Variants in PSG8 observed in about 807,000 individuals in gnomAD.
The protein encoded by PSG8 is pregnancy-specific beta-1-glycoprotein 8.
PSG8 carries 57 observed loss-of-function variants against 42.5 expected under a neutral mutation model. The observed-to-expected ratio is 1.34, with a 90% CI of 1.08 to 1.67. The LOEUF is 1.67. Ranked by LOEUF, PSG8 falls within the 40% of genes most tolerant of loss-of-function variation. PSG8 has a pLI of 0.00. For missense variants in PSG8, 783 were observed against 518.6 expected, an observed-to-expected ratio of 1.51 and a Z score of -4.95; for synonymous variants, 280 against 196.8, an observed-to-expected ratio of 1.42 and a Z score of -3.54.
At chr19:42,765,253 C>A (rs183412987) in intron 1 of PSG8, among the ~76,000 whole-genome samples, 12 of 151,680 alleles carry the variant, frequency 7.9e-5, no homozygotes, top group Non-Finnish European at 1.8e-4. Flanking sequence ...CCTGGGTTCA[C>A]GTGATTCTTC....
At chr19:42,759,958 G>A (rs558233271) in intron 2 of PSG8, among the ~76,000 whole-genome samples, 5 of 152,220 alleles carry the variant, frequency 3.3e-5, no homozygotes, top group African/African-American at 1.2e-4. Context: ...GACCGAACTG[G>A]GTAGTGTGTC....
intron 3 of PSG8, chr19:42,755,807 A>G (rs910004745): frequency 5.6e-5 from 9 of 161,320 alleles, no homozygotes; most frequent in African/African-American, 7.2e-5. Flanking sequence ...GGAGACCAGA[A>G]TCAAGCCTGG....
At chr19:42,759,660 T>C (rs971073613) in intron 2 of PSG8, among the ~76,000 whole-genome samples, 6 of 152,196 alleles carry the variant, frequency 3.9e-5, no homozygotes, top group Non-Finnish European at 1.5e-5. Flanking sequence ...CAATTTGTAA[T>C]ACTGTAATTT....
chr19:42,758,239 G>T lies in PSG8; in HGVS notation c.472C>A (p.Pro158Thr). 1.9e-6 allele frequency: 3 copies of T among 1,613,980 alleles called. No homozygotes were observed. Among genetic ancestry groups the T allele is most frequent in the Admixed American group, 1.7e-5 (1 of 59,998 alleles). ...KPSISSSKLNPREAMEAVSLT... is the reference protein window; with the variant it reads ...KPSISSSKLNTREAMEAVSLT... The stretch of plus-strand genomic sequence containing the variant: ...CTCACAGCCTCCATGGCCTCCCTGG[G>T]GTTTAATTTGCTGCTGGAGATGGAG... The change falls in exon 3 of 5, where the codon CCC (proline) becomes ACC (threonine). Residue 158 changes from proline to threonine, a missense_variant. Coordinates refer to ENST00000306511, the MANE Select transcript of PSG8 (RefSeq NM_182707.3).
Position 42,754,243 on chromosome 19 carries a change from T to G in PSG8, c.*52A>C, listed in dbSNP as rs1223026853. 6.3e-7 allele frequency: 1 copy of G among 1,598,252 alleles called. No individual in the cohort carries two copies. Among genetic ancestry groups the G allele is most frequent in the Non-Finnish European group, 8.5e-7 (1 of 1,172,544 alleles). Reference sequence around the variant, plus strand: ...TTGCTTGTGCCCATGGGACGCAGGCTGGGAATAAAAATGTTTTCCTGACTC... The same window carrying G: ...TTGCTTGTGCCCATGGGACGCAGGCGGGGAATAAAAATGTTTTCCTGACTC... On this transcript the variant is annotated 3_prime_UTR_variant, in exon 5 of 5. Transcript: ENST00000306511.
rs758282363 is a variant in PSG8 at position 42,758,213 on chromosome 19, G to A, written c.498C>T (p.Ser166=). The change falls in exon 3 of 5, where the codon AGC becomes AGT. Residue 166 remains serine, a synonymous_variant. Coordinates refer to ENST00000306511, the MANE Select transcript of PSG8 (RefSeq NM_182707.3). ...LNPREAMEAV[S]LTCDPETPDA... Reference sequence around the variant, plus strand: ...CCGGAGTCTCAGGATCACAGGTTAAGCTCACAGCCTCCATGGCCTCCCTGG... The same window carrying A: ...CCGGAGTCTCAGGATCACAGGTTAAACTCACAGCCTCCATGGCCTCCCTGG... The A allele has an allele frequency of 8.7e-6, 14 of 1,613,952 alleles. No homozygotes were observed. The South Asian group carries it at 1.2e-4, about 14-fold the overall frequency.
At chr19:42,754,950 C>A (rs778875264) in intron 4 of PSG8, 38 bp downstream of exon 4, 20 of 1,580,058 alleles carry the variant, frequency 1.3e-5, no homozygotes, top group Non-Finnish European at 1.7e-5. Context: ...TTGATTTAAG[C>A]TGGTGTCCTG....
rs191608879 is a variant in PSG8, at chr19:42,758,577, G to A, written c.431-297C>T. 1.2e-3 allele frequency: 611 copies of A among 506,216 alleles called. 6 individuals are homozygous for A. The highest frequency in any genetic ancestry group is 9.8e-3 in the African/African-American group (516 of 52,916). 31.4% of individuals were successfully genotyped at this position (506,216 alleles called of 1,614,324 possible). A position where few individuals can be genotyped will look rare whatever the true frequency, so the allele number is the denominator to read the frequency against. On this transcript the variant is annotated intron_variant, in intron 2 of 4. Coordinates refer to ENST00000306511, the MANE Select transcript of PSG8 (RefSeq NM_182707.3). ...CCCTGTTGCCTCTCTGAGTCCCTCCGTCTCCAACTGCCTGCCTGGCCCACC... is the reference window on the plus strand; with the variant it reads ...CCCTGTTGCCTCTCTGAGTCCCTCCATCTCCAACTGCCTGCCTGGCCCACC...
chr19:42,753,480 A>G (rs1969832684), downstream of PSG8: 15 of 712,552 alleles, frequency 2.1e-5, no homozygotes, highest in South Asian at 2.3e-4. Context: ...CTCTATGGGC[A>G]TCTCTAGTTT....
At chr19:42,763,748 G>C in intron 2 of PSG8, 168 bp downstream of exon 2, 3 of 1,331,550 alleles carry the variant, frequency 2.3e-6, no homozygotes, top group East Asian at 4.6e-5. Context: ...ATTCTGATCT[G>C]TTGAAATTTG....
In PSG8 at chr19:42,758,219, A is replaced by C; in HGVS notation, c.492T>G (p.Ala164=). ...TCTCAGGATCACAGGTTAAGCTCAC[A>C]GCCTCCATGGCCTCCCTGGGGTTTA... ...SKLNPREAME[A]VSLTCDPETP... is the part of the protein sequence containing the mutation. Residue 164 remains alanine (A), a synonymous_variant, in exon 3 of 5, where the codon GCT becomes GCG. Transcript: ENST00000306511. 6.2e-7 allele frequency: 1 copy of C among 1,614,080 alleles called. No individual in the cohort carries two copies. Among genetic ancestry groups the C allele is most frequent in the Non-Finnish European group, 8.5e-7 (1 of 1,179,966 alleles).
chr19:42,764,576 C>T (rs529711674), intron 1 of PSG8, among the ~76,000 whole-genome samples: 1 of 152,052 alleles, frequency 6.6e-6, no homozygotes, highest in Non-Finnish European at 1.5e-5. Flanking sequence ...GTCCGCATGG[C>T]CCCCTCCACA....
chr19:42,757,523 G>A (rs562770561), intron 3 of PSG8, among the ~76,000 whole-genome samples: 3 of 152,214 alleles, frequency 2.0e-5, no homozygotes, highest in South Asian at 4.2e-4. Flanking sequence ...AGTCTGTGAG[G>A]CAGGAGAGCT....
At chr19:42,764,529 C>G (rs746623456) in intron 1 of PSG8, among the ~76,000 whole-genome samples, 1 of 151,970 alleles carries the variant, frequency 6.6e-6, no homozygotes, top group Non-Finnish European at 1.5e-5. Context: ...CACTTCTGAC[C>G]TTGGCATTTT....
At position 42,754,784 on chromosome 19, in the gene PSG8, C is replaced by A. The variant is rs1600405696; in HGVS notation, c.989-197G>T. ...CACAAGCTGTGGGCCCCAAGTCTCC[C>A]ATGACAAGAGCGTCCACTCCCCTTA... On this transcript the variant is annotated intron_variant, in intron 4 of 4. Transcript: ENST00000306511. 5 of 1,425,992 alleles carry A rather than the reference C, an allele frequency of 3.5e-6. No homozygotes were observed. In the South Asian group the frequency reaches 5.8e-5, roughly 17 times the overall value. 88.3% of individuals were successfully genotyped at this position (1,425,992 alleles called of 1,614,324 possible). A position where few individuals can be genotyped will look rare whatever the true frequency, so the allele number is the denominator to read the frequency against.
chr19:42,763,995 T>C lies in PSG8; in HGVS notation c.351A>G (p.Ala117=), dbSNP rs1399850655. 1 of 1,612,896 alleles carries C rather than the reference T, an allele frequency of 6.2e-7. No individual in the cohort carries two copies. The highest frequency in any genetic ancestry group is 1.1e-5 in the South Asian group (1 of 91,038). ...TTATGATGTGTAAGGTGTAGGATCC[T>C]GCGTCTTCCTGGGTGACATTCTGGA... ...LLIQNVTQED[A]GSYTLHIIMG... Residue 117 remains alanine, a synonymous_variant, in exon 2 of 5, where the codon GCA becomes GCG. Coordinates refer to ENST00000306511, the MANE Select transcript of PSG8 (RefSeq NM_182707.3).
In PSG8 at chr19:42,762,190, T is replaced by G. The variant is rs1970094317; in HGVS notation, c.430+1726A>C. On this transcript the variant is annotated intron_variant, in intron 2 of 4. Coordinates refer to ENST00000306511, the MANE Select transcript of PSG8 (RefSeq NM_182707.3). The stretch of plus-strand genomic sequence containing the variant: ...GGAAGAAGCTGTGCAGGACAGGGCT[T>G]GCCAGTCAGAATGAAGTGGGAGGAA... Among the ~76,000 whole-genome samples the G allele has an allele frequency of 1.3e-5, 2 of 151,536 alleles. 1 individual carries two copies. The highest frequency in any genetic ancestry group is 4.2e-4 in the South Asian group (2 of 4,782).
At chr19:42,758,360 T>C in intron 2 of PSG8, 80 bp from the exon 3 acceptor site, 5 of 1,558,240 alleles carry the variant, frequency 3.2e-6, no homozygotes, top group Non-Finnish European at 4.3e-6. Flanking sequence ...AGAGTTGGCA[T>C]TTCCCACCTC....
Position 42,754,542 on chromosome 19 carries a change from C to T in PSG8, c.1034G>A (p.Arg345His), listed in dbSNP as rs148019273. 369 of 1,613,628 alleles carry T rather than the reference C, an allele frequency of 2.3e-4. 2 individuals carry two copies. The highest frequency in any genetic ancestry group is 1.6e-3 in the South Asian group (142 of 91,048). Residue 345 changes from arginine to histidine, a missense_variant, in exon 5 of 5, where the codon CGT becomes CAT. Transcript: ENST00000306511. ...GGACAAGTAGAGGACTTCTCCTGAA[C>T]GGTAATAGGTGAATGAAGGGTAAAT... ...PRIYPSFTYY[R>H]SGEVLYLSCS... is the part of the protein sequence containing the mutation.
Sources: allele counts gnomAD v4.1 joint callset (sites outside exome capture counted in the v4.1 genomes callset), GRCh38; gene constraint gnomAD v4.1.1; transcripts MANE v1.5; gene names NCBI Gene and HGNC (gene_info 2026-07-23, HGNC 2026-07-21).